MYBPC3: variants seen among roughly 807,000 people sequenced by gnomAD.
The protein encoded by MYBPC3 is myosin-binding protein C, cardiac-type.
MYBPC3 carries 108 observed loss-of-function variants against 159.3 expected under a neutral mutation model. The observed-to-expected ratio is 0.68, with a 90% CI of 0.58 to 0.80. The LOEUF (loss-of-function observed/expected upper bound fraction) is 0.80, where lower values mean the gene tolerates loss of function less well. Among genes scored for constraint, MYBPC3 ranks in the 30% least tolerant of loss-of-function variants. MYBPC3 has a pLI of 0.00. For missense variants in MYBPC3, 1,631 were observed against 1,762.1 expected (o/e 0.93, Z 1.33); for synonymous variants, 730 against 702.0 (o/e 1.04, Z -0.63).
In MYBPC3 at chr11:47,346,398, G is replaced by A. The variant is rs771560787; in HGVS notation, c.927-28C>T. ...GTGTCCCGCAGTCTAGGCTGTGGCC[G>A]GGGGCAAGACTGCAGCCCCCTGGGC... is the stretch of plus-strand genomic sequence containing the variant. On this transcript the variant is annotated intron_variant, in intron 11 of 34. Transcript: ENST00000545968. The surrounding 1 kb of genome is among the most constrained non-coding windows in gnomAD (Gnocchi z 5.3). The A allele has an allele frequency of 4.5e-5, 69 of 1,533,012 alleles. No individual in the cohort carries two copies. The highest frequency in any genetic ancestry group is 9.5e-5 in the African/African-American group (7 of 73,306). The allele number at this position is 1,533,012 out of a possible 1,614,324, so 95.0% of individuals were successfully genotyped here.
In MYBPC3 at chr11:47,332,021, C is replaced by A. The variant is rs1267089190; in HGVS notation, c.3814+51G>T. The A allele has an allele frequency of 1.3e-6, 2 of 1,598,894 alleles. No individual in the cohort carries two copies. The highest frequency in any genetic ancestry group is 4.5e-5 in the East Asian group (2 of 44,524). ...AACGGAGCAAAGCCCAGGGTCCCCA[C>A]TGCCGCCCGCTCTTCCCATCTCCCA... On this transcript the variant is annotated intron_variant, in intron 33 of 34. Coordinates refer to ENST00000545968, the MANE Select transcript of MYBPC3 (RefSeq NM_000256.3). This position sits in a 1 kb window ranked among gnomAD's most constrained non-coding sequence, Gnocchi z 4.2.
intron 30 of MYBPC3, 85 bp from the exon 31 acceptor site, chr11:47,333,058 C>A: frequency 6.5e-7 from 1 of 1,533,744 alleles, no homozygotes; most frequent in Admixed American, 2.0e-5. Context: ...TTGGCATCTC[C>A]ACCCCTACTA....
At chr11:47,348,884 G>A (rs1299598665) in intron 5 of MYBPC3, among the ~76,000 whole-genome samples, 25 of 52,366 alleles carry the variant, frequency 4.8e-4, no homozygotes, top group Non-Finnish European at 1.1e-3. Context: ...CAGCCTGAGC[G>A]ACAGAGCGAG....
Position 47,347,463 on chromosome 11 carries a change from T to G in MYBPC3, c.868A>C (p.Thr290Pro). The G allele has an allele frequency of 6.3e-7, 1 of 1,596,592 alleles. No homozygotes were observed. Among genetic ancestry groups the G allele is most frequent in the Non-Finnish European group, 8.5e-7 (1 of 1,171,880 alleles). The change falls in exon 9 of 35, where the codon ACT (threonine) becomes CCT (proline). Residue 290 changes from threonine to proline, a missense_variant. Physicochemically the swap from Thr to Pro is conservative, Grantham distance 38 (BLOSUM62 -1). Coordinates refer to ENST00000545968, the MANE Select transcript of MYBPC3 (RefSeq NM_000256.3). ...AGTGAGCTGAAGTCCAGAATCCCAGTGTCCTCATGGCTATCACTATGGAGA... is the reference window on the plus strand; with the variant it reads ...AGTGAGCTGAAGTCCAGAATCCCAGGGTCCTCATGGCTATCACTATGGAGA... ...GRRISDSHED[T>P]GILDFSSLLK... is the part of the protein sequence containing the mutation.
At chr11:47,348,928 T>TATATATATATATATATATATATATATCTA (rs1424143680) in intron 5 of MYBPC3, among the ~76,000 whole-genome samples, 1 of 9,918 alleles carries the variant, frequency 1.0e-4, no homozygotes, top group African/African-American at 3.4e-4. Context: ...ATATATATAT[T>TATATATATATATATATATATATATATCTA]TAAAGGAGGC....
rs765732047 is a variant in MYBPC3 at position 47,346,327 on chromosome 11, T to A, written c.970A>T (p.Ile324Phe). The change falls in exon 12 of 35, where the codon ATC (isoleucine) becomes TTC (phenylalanine). Residue 324 changes from isoleucine to phenylalanine, a missense_variant. Coordinates refer to ENST00000545968, the MANE Select transcript of MYBPC3 (RefSeq NM_000256.3). This position sits in a 1 kb window ranked among gnomAD's most constrained non-coding sequence, Gnocchi z 5.3. ...TCAGATGGGGGTGCCTGCCGTAGGA[T>A]CTCCCACACGTCCTCCTCTGCTGGT... ...EAPAEEDVWEILRQAPPSEYE... is the reference protein window; with the variant it reads ...EAPAEEDVWEFLRQAPPSEYE... The A allele has an allele frequency of 6.2e-7, 1 of 1,610,662 alleles. No individual in the cohort carries two copies. The highest frequency in any genetic ancestry group is 1.7e-5 in the Admixed American group (1 of 59,516).
In MYBPC3 at chr11:47,351,315, G is replaced by T. The variant is rs760007714; in HGVS notation, c.216C>A (p.Gly72=). The T allele has an allele frequency of 6.3e-6, 10 of 1,583,592 alleles. No individual in the cohort carries two copies. Among genetic ancestry groups the T allele is most frequent in the Non-Finnish European group, 8.6e-6 (10 of 1,164,812 alleles). The change falls in exon 2 of 35, where the codon GGC becomes GGA. Residue 72 remains glycine, a synonymous_variant. Coordinates refer to ENST00000545968, the MANE Select transcript of MYBPC3 (RefSeq NM_000256.3). This position sits in a 1 kb window ranked among gnomAD's most constrained non-coding sequence, Gnocchi z 4.2. ...TRHTLTVREV[G]PADQGSYAVI... Reference sequence around the variant, plus strand: ...CTGCGTAAGATCCCTGGTCGGCAGGGCCCACTTCCCGCACTGTCAGCGTAT... The same window carrying T: ...CTGCGTAAGATCCCTGGTCGGCAGGTCCCACTTCCCGCACTGTCAGCGTAT...
At position 47,350,573 on chromosome 11, in the gene MYBPC3, T is replaced by A. The variant is rs2142868751; in HGVS notation, c.335A>T (p.Glu112Val). The change falls in exon 3 of 35, where the codon GAG becomes GTG. Residue 112 changes from glutamate to valine, a missense_variant. By Grantham distance (121) the Glu-to-Val change is moderately radical. Transcript: ENST00000545968. ...GGCTTCTCCAGGGGCTCCAGTGGCC[T>A]CAGCAGGGGCAGGGGCAGGGGCCAG... ...PMLAPAPAPA[E>V]ATGAPGEAPA... The A allele has an allele frequency of 6.5e-7, 1 of 1,536,250 alleles. No homozygotes were observed. The highest frequency in any genetic ancestry group is 1.2e-5 in the South Asian group (1 of 80,264).
intron 25 of MYBPC3, among the ~76,000 whole-genome samples, chr11:47,336,642 C>T (rs1467781494): frequency 1.3e-5 from 2 of 152,202 alleles, no homozygotes; most frequent in African/African-American, 2.4e-5. Context: ...CCACAGGCCC[C>T]GATTCCTGCC....
chr11:47,343,434 G>C (rs2095891127), intron 13 of MYBPC3, 58 bp downstream of exon 13: 13 of 1,529,410 alleles, frequency 8.5e-6, no homozygotes, highest in Non-Finnish European at 1.1e-5. Context: ...GGGGCAGGAG[G>C]CAAGGCTATG....
rs183152722 is a variant in MYBPC3, at chr11:47,338,980, G to A, written c.2149-301C>T. ...CAGTGCCAGGCAGGAGCAAGACCCCGGCAGCTACACTGGCAGAAAAGTGTC... is the reference window on the plus strand; with the variant it reads ...CAGTGCCAGGCAGGAGCAAGACCCCAGCAGCTACACTGGCAGAAAAGTGTC... On this transcript the variant is annotated intron_variant, in intron 22 of 34. Transcript: ENST00000545968. This position sits in a 1 kb window ranked among gnomAD's most constrained non-coding sequence, Gnocchi z 4.7. 1.9e-3 allele frequency among the ~76,000 whole-genome samples: 289 copies of A among 152,274 alleles called. 2 individuals carry two copies. The highest frequency in any genetic ancestry group is 6.6e-3 in the African/African-American group (274 of 41,548).
chr11:47,334,062 G>A lies in MYBPC3; in HGVS notation c.2906-52C>T, dbSNP rs145984133. ...TGAGGGCCCGCCACAGCTCTGAGGG[G>A]CTCCACAGCTCCAACCTCCCTTGAG... On this transcript the variant is annotated intron_variant, in intron 27 of 34. Coordinates refer to ENST00000545968, the MANE Select transcript of MYBPC3 (RefSeq NM_000256.3). 5 of 1,488,084 alleles carry A rather than the reference G, an allele frequency of 3.4e-6. No homozygotes were observed. In the South Asian group the frequency reaches 4.8e-5, roughly 14 times the overall value. 92.2% of individuals were successfully genotyped at this position (1,488,084 alleles called of 1,614,324 possible).
chr11:47,346,627 C>T lies in MYBPC3; in HGVS notation c.926G>A (p.Arg309Lys). ...GTGCTGTGCTATGTTGGGCACTCAC[C>T]TCGGGGTCCGGAAACTGCTGCTCCA... ...LKKRDSFRTPRDSKLEAPAEE... is the reference protein window; with the variant it reads ...LKKRDSFRTPKDSKLEAPAEE... The change falls in exon 11 of 35, where the codon AGG becomes AAG. Residue 309 changes from arginine to lysine, a missense_variant and splice_region_variant. Coordinates refer to ENST00000545968, the MANE Select transcript of MYBPC3 (RefSeq NM_000256.3). The surrounding 1 kb of genome is among the most constrained non-coding windows in gnomAD (Gnocchi z 5.3). 1 of 1,568,660 alleles carries T rather than the reference C, an allele frequency of 6.4e-7. No homozygotes were observed. Among genetic ancestry groups the T allele is most frequent in the Non-Finnish European group, 8.7e-7 (1 of 1,148,848 alleles).
At chr11:47,339,877 C>G (rs771864894) in intron 20 of MYBPC3, 87 bp from the exon 21 acceptor site, 3 of 1,441,708 alleles carry the variant, frequency 2.1e-6, no homozygotes, top group Non-Finnish European at 2.8e-6. Context: ...GAGCCTGGGC[C>G]CCTGGTTATT....
intron 9 of MYBPC3, 53 bp downstream of exon 9, chr11:47,347,373 G>A: frequency 6.4e-7 from 1 of 1,556,152 alleles, no homozygotes; most frequent in Non-Finnish European, 8.7e-7. Flanking sequence ...ACAGTGCTGG[G>A]ATTTGGAGCC....
chr11:47,349,403 T>A (rs1195639300), intron 5 of MYBPC3, among the ~76,000 whole-genome samples: 3 of 152,080 alleles, frequency 2.0e-5, no homozygotes, highest in Admixed American at 6.6e-5. Flanking sequence ...TACTCACCCA[T>A]CCAGGGGCTT....
Position 47,336,028 on chromosome 11 carries a change from T to G in MYBPC3, c.2603-17A>C, listed in dbSNP as rs1448867344. ...TGGGGGGACCTGGGCAGAGGAGAGGTCAGAGAGGGGTCTGAGCAAGCCTGG... is the reference window on the plus strand; with the variant it reads ...TGGGGGGACCTGGGCAGAGGAGAGGGCAGAGAGGGGTCTGAGCAAGCCTGG... On this transcript the variant is annotated splice_polypyrimidine_tract_variant and intron_variant, in intron 25 of 34. Transcript: ENST00000545968. 1 of 1,472,748 alleles carries G rather than the reference T, an allele frequency of 6.8e-7. No homozygotes were observed. The highest frequency in any genetic ancestry group is 1.4e-5 in the African/African-American group (1 of 69,772). 91.2% of individuals were successfully genotyped at this position (1,472,748 alleles called of 1,614,324 possible).
chr11:47,339,832 G>C, intron 20 of MYBPC3, 42 bp from the exon 21 acceptor site: 5 of 1,600,950 alleles, frequency 3.1e-6, no homozygotes, highest in Non-Finnish European at 4.3e-6. Flanking sequence ...GGGAGAGCCA[G>C]GAGGAGCACA....
rs1219930764 is a variant in MYBPC3 at position 47,337,480 on chromosome 11, T to TC, written c.2512dup (p.Glu838GlyfsTer46). 2 of 1,613,950 alleles carry TC rather than the reference T, an allele frequency of 1.2e-6. No individual in the cohort carries two copies. Among genetic ancestry groups the TC allele is most frequent in the Non-Finnish European group, 1.7e-6 (2 of 1,179,878 alleles). On this transcript the variant is annotated frameshift_variant, in exon 25 of 35. Transcript: ENST00000545968. LOFTEE classifies it high-confidence loss of function. ...GACGCGCATCTCGTACACCACGCCC[T>TC]CGATCATGCGCCGCGCTTCATGACT...
Sources: allele counts gnomAD v4.1 joint callset (sites outside exome capture counted in the v4.1 genomes callset), GRCh38; gene constraint gnomAD v4.1.1; non-coding constraint Gnocchi (gnomAD v3.1); transcripts MANE v1.5; gene names NCBI Gene and HGNC (gene_info 2026-07-23, HGNC 2026-07-21).